SPOCK3: variants seen among roughly 807,000 people sequenced by gnomAD.
The protein encoded by SPOCK3 is SPARC (osteonectin), cwcv and kazal like domains proteoglycan 3.
SPOCK3 carries 30 observed loss-of-function variants against 56.6 expected under a neutral mutation model. That is an observed-to-expected ratio of 0.53 (90% confidence interval 0.40 to 0.72). SPOCK3 has a LOEUF of 0.72. SPOCK3 is among the 30% of genes least tolerant of loss of function. SPOCK3 has a pLI of 0.00. For missense variants in SPOCK3, 527 were observed against 530.0 expected (o/e 0.99, Z 0.06); for synonymous variants, 196 against 183.3 (o/e 1.07, Z -0.56).
intron 6 of SPOCK3, among the ~76,000 whole-genome samples, chr4:166,845,806 G>A (rs1747995993): frequency 6.6e-6 from 1 of 152,134 alleles, no homozygotes; most frequent in Admixed American, 6.5e-5. Context: ...CTGTATAATG[G>A]TATGCAGTCA....
intron 4 of SPOCK3, among the ~76,000 whole-genome samples, chr4:166,967,424 G>C (rs1020944803): frequency 1.3e-5 from 2 of 152,140 alleles, no homozygotes; most frequent in African/African-American, 4.8e-5. Context: ...TTGGGGGAGG[G>C]ACCTGGTGAT....
intron 4 of SPOCK3, among the ~76,000 whole-genome samples, chr4:166,951,133 T>C (rs1344356887): frequency 6.9e-6 from 1 of 144,124 alleles, no homozygotes; most frequent in African/African-American, 2.8e-5. Flanking sequence ...TTCAGAAAAT[T>C]AATGAATCCA....
intron 2 of SPOCK3, among the ~76,000 whole-genome samples, chr4:167,186,153 A>G (rs1731935642): frequency 6.6e-6 from 1 of 152,214 alleles, no homozygotes; most frequent in Admixed American, 6.5e-5. Context: ...ACAAAATCAA[A>G]TTCAACAATT....
chr4:166,891,189 A>G (rs1734741147), intron 5 of SPOCK3, among the ~76,000 whole-genome samples: 1 of 151,984 alleles, frequency 6.6e-6, no homozygotes, highest in African/African-American at 2.4e-5. Flanking sequence ...CTACTCTAAA[A>G]GAAATAGATC....
At chr4:167,013,946 T>A (rs1173301781) in intron 3 of SPOCK3, among the ~76,000 whole-genome samples, 1 of 152,158 alleles carries the variant, frequency 6.6e-6, no homozygotes, top group African/African-American at 2.4e-5. Context: ...AGAAATATAT[T>A]TAAGAATTCA....
At chr4:166,795,286 T>C (rs1741813288) in intron 6 of SPOCK3, among the ~76,000 whole-genome samples, 3 of 152,078 alleles carry the variant, frequency 2.0e-5, no homozygotes, top group South Asian at 4.1e-4. Context: ...CAAAAAACCG[T>C]ATATCAGTAA....
chr4:167,000,845 C>G (rs752976638), intron 3 of SPOCK3, among the ~76,000 whole-genome samples: 1 of 151,978 alleles, frequency 6.6e-6, no homozygotes, highest in Non-Finnish European at 1.5e-5. Flanking sequence ...CTTGCTTTCC[C>G]GAGATAAATG....
chr4:166,940,430 A>C (rs1462174612), intron 4 of SPOCK3, among the ~76,000 whole-genome samples: 1 of 152,048 alleles, frequency 6.6e-6, no homozygotes, highest in Non-Finnish European at 1.5e-5. Context: ...CAAGGAAGTG[A>C]CCATGTTCTT....
chr4:167,075,059 C>T (rs1757047332), intron 2 of SPOCK3, among the ~76,000 whole-genome samples: 3 of 151,800 alleles, frequency 2.0e-5, no homozygotes, highest in South Asian at 2.1e-4. Flanking sequence ...TAACTAAAGT[C>T]GCCCTACTGT....
chr4:167,086,435 C>G (rs1161452137), intron 2 of SPOCK3, among the ~76,000 whole-genome samples: 1 of 152,022 alleles, frequency 6.6e-6, no homozygotes, highest in Non-Finnish European at 1.5e-5. Context: ...TTATTTCTGT[C>G]ATCCCTTTAC....
chr4:167,194,591 A>T (rs1234415019), intron 2 of SPOCK3, among the ~76,000 whole-genome samples: 1 of 152,164 alleles, frequency 6.6e-6, no homozygotes, highest in Non-Finnish European at 1.5e-5. Context: ...GCAGGTAAAG[A>T]CCTTTTCCTG....
At chr4:167,234,612 G>T (rs77476694), upstream of SPOCK3, 925 of 196,402 alleles carry the variant, frequency 4.7e-3, 9 homozygotes, top group African/African-American at 0.02. Flanking sequence ...CCCTTCGCGC[G>T]CGGATCTCCA....
At chr4:166,908,081 A>C (rs907840131) in intron 5 of SPOCK3, among the ~76,000 whole-genome samples, 1 of 152,052 alleles carries the variant, frequency 6.6e-6, no homozygotes, top group Non-Finnish European at 1.5e-5. Flanking sequence ...GAAATTATCT[A>C]CCTTTCAAAA....
intron 6 of SPOCK3, among the ~76,000 whole-genome samples, chr4:166,877,624 T>C (rs1237029015): frequency 6.6e-6 from 1 of 152,160 alleles, no homozygotes; most frequent in Non-Finnish European, 1.5e-5. Flanking sequence ...CCACAATCCA[T>C]TTCAGAGTAC....
intron 2 of SPOCK3, among the ~76,000 whole-genome samples, chr4:167,216,164 G>C (rs956838133): frequency 3.3e-5 from 5 of 152,014 alleles, no homozygotes; most frequent in African/African-American, 9.6e-5. Context: ...AGTAGACTTA[G>C]GAATCACATG....
At chr4:167,033,053 T>G (rs1346420842) in intron 3 of SPOCK3, among the ~76,000 whole-genome samples, 1 of 152,020 alleles carries the variant, frequency 6.6e-6, no homozygotes, top group Admixed American at 6.6e-5. Context: ...TTATTGCCAC[T>G]GTGATTTAAT....
intron 6 of SPOCK3, among the ~76,000 whole-genome samples, chr4:166,793,078 A>G (rs1414868910): frequency 6.6e-6 from 1 of 152,176 alleles, no homozygotes; most frequent in East Asian, 1.9e-4. Flanking sequence ...TTTTGAAAAT[A>G]TATTTTGAAA....
intron 4 of SPOCK3, among the ~76,000 whole-genome samples, chr4:166,946,641 C>T (rs927369672): frequency 6.6e-5 from 10 of 152,190 alleles, no homozygotes; most frequent in African/African-American, 2.2e-4. Flanking sequence ...TCTGGCCCTG[C>T]CCTGTCTCTT....
intron 3 of SPOCK3, among the ~76,000 whole-genome samples, chr4:167,021,253 G>A (rs1020598570): frequency 1.3e-5 from 2 of 151,992 alleles, no homozygotes; most frequent in African/African-American, 4.8e-5. Context: ...CTCATTAAAT[G>A]TCTATTTAAG....
Sources: allele counts gnomAD v4.1 joint callset (sites outside exome capture counted in the v4.1 genomes callset), GRCh38; gene constraint gnomAD v4.1.1; transcripts MANE v1.5; gene names NCBI Gene and HGNC (gene_info 2026-07-23, HGNC 2026-07-21).